The following ASXL2 variants were observed in gnomAD, a reference collection of about 807,000 sequenced individuals.
ASXL2 encodes the protein ASXL transcriptional regulator 2.
ASXL2 carries 23 observed loss-of-function variants against 122.0 expected under a neutral mutation model. The observed-to-expected ratio is 0.19, with a 90% CI of 0.14 to 0.27. The LOEUF (loss-of-function observed/expected upper bound fraction) is 0.27. Ranked by LOEUF, ASXL2 falls within the 10% of genes least tolerant of loss-of-function variation. ASXL2 has a pLI of 1.00. For missense variants in ASXL2, 1,518 were observed against 1,713.8 expected (o/e 0.89, Z 2.02); for synonymous variants, 650 against 637.0 (o/e 1.02, Z -0.31).
chr2:25,763,261 C>T (rs1195681523), intron 8 of ASXL2, among the ~76,000 whole-genome samples: 1 of 151,954 alleles, frequency 6.6e-6, no homozygotes. Flanking sequence ...GAGGCTGAGG[C>T]GGGCGGTATC....
Position 25,771,543 on chromosome 2 carries a change from A to AGG in ASXL2, c.404-5_404-4dup. 2 of 1,606,058 alleles carry AGG rather than the reference A, an allele frequency of 1.2e-6. No individual in the cohort carries two copies. Among genetic ancestry groups the AGG allele is most frequent in the Non-Finnish European group, 1.7e-6 (2 of 1,175,520 alleles). On this transcript the variant is annotated splice_region_variant and splice_polypyrimidine_tract_variant and intron_variant, in intron 5 of 12. Coordinates refer to ENST00000435504, the MANE Select transcript of ASXL2 (RefSeq NM_018263.6). Reference sequence around the variant, plus strand: ...TGACTGCGGGGAGGACGACGATACTAGGGAAAAAAAAGTGACAATAAAAGA... The same window carrying AGG: ...TGACTGCGGGGAGGACGACGATACTAGGGGGAAAAAAAAGTGACAATAAAAGA...
At chr2:25,870,982 T>C (rs2089958242) in intron 1 of ASXL2, among the ~76,000 whole-genome samples, 1 of 152,196 alleles carries the variant, frequency 6.6e-6, no homozygotes, top group African/African-American at 2.4e-5. Flanking sequence ...CTTGTTTTTT[T>C]AAAACATAAT....
rs1458573449 is a variant in ASXL2, at chr2:25,738,112, G to A, written c.*3917C>T. 6.6e-6 allele frequency: 1 copy of A among 151,982 alleles called. No individual in the cohort carries two copies. The highest frequency in any genetic ancestry group is 2.4e-5 in the African/African-American group (1 of 41,382). 9.4% of individuals were successfully genotyped at this position (151,982 alleles called of 1,614,324 possible). A position where few individuals can be genotyped will look rare whatever the true frequency, so the allele number is the denominator to read the frequency against. ...AAATAATTTGTGCCTTAACAGTGAG[G>A]TCCTACATCAAACATACCATATATG... On this transcript the variant is annotated 3_prime_UTR_variant, in exon 13 of 13. Coordinates refer to ENST00000435504, the MANE Select transcript of ASXL2 (RefSeq NM_018263.6).
At chr2:25,807,951 G>T (rs1375904276) in intron 3 of ASXL2, among the ~76,000 whole-genome samples, 1 of 146,606 alleles carries the variant, frequency 6.8e-6, no homozygotes, top group Non-Finnish European at 1.5e-5. Context: ...CCCAGCCCGG[G>T]GGTAAATCCT....
intron 2 of ASXL2, among the ~76,000 whole-genome samples, chr2:25,837,281 T>C (rs2089523196): frequency 1.3e-5 from 2 of 152,208 alleles, no homozygotes; most frequent in South Asian, 4.1e-4. Context: ...TTAATAGGCA[T>C]GGTTTCAAAG....
chr2:25,787,150 G>A (rs1308274387), intron 5 of ASXL2, among the ~76,000 whole-genome samples: 1 of 152,202 alleles, frequency 6.6e-6, no homozygotes, highest in African/African-American at 2.4e-5. Flanking sequence ...CCCGAGTGCT[G>A]TTGTGTATAC....
At chr2:25,787,957 A>C (rs2088775120) in intron 5 of ASXL2, among the ~76,000 whole-genome samples, 1 of 152,200 alleles carries the variant, frequency 6.6e-6, no homozygotes, top group African/African-American at 2.4e-5. Flanking sequence ...GAATTAAACT[A>C]TTAGATATCA....
chr2:25,788,357 C>T (rs1339509240), intron 5 of ASXL2, among the ~76,000 whole-genome samples: 1 of 152,176 alleles, frequency 6.6e-6, no homozygotes, highest in African/African-American at 2.4e-5. Context: ...CACCAGTACC[C>T]AAATTCATTT....
rs1425321095 is a variant in ASXL2 at position 25,735,653 on chromosome 2, T to C, written c.*6376A>G. The C allele has an allele frequency of 6.6e-6, 1 of 152,210 alleles. No individual in the cohort carries two copies. Among genetic ancestry groups the C allele is most frequent in the African/African-American group, 2.4e-5 (1 of 41,456 alleles). 9.4% of individuals were successfully genotyped at this position (152,210 alleles called of 1,614,324 possible). A position where few individuals can be genotyped will look rare whatever the true frequency, so the allele number is the denominator to read the frequency against. On this transcript the variant is annotated 3_prime_UTR_variant, in exon 13 of 13. Transcript: ENST00000435504. ...ACCCAACTGTGTTTGAAAGGGTTAG[T>C]TTAACAAAACACTAACTTACTGACC...
At chr2:25,777,205 C>T (rs1193562103) in intron 5 of ASXL2, among the ~76,000 whole-genome samples, 2 of 152,130 alleles carry the variant, frequency 1.3e-5, no homozygotes, top group Admixed American at 6.5e-5. Flanking sequence ...CTCCTACCTT[C>T]GCCTCCTGAG....
chr2:25,765,928 T>C (rs1440877278), intron 8 of ASXL2, among the ~76,000 whole-genome samples: 1 of 152,226 alleles, frequency 6.6e-6, no homozygotes, highest in East Asian at 1.9e-4. Context: ...TCGGTTTAAA[T>C]ATGTGATATA....
rs1406863534 is a variant in ASXL2 at position 25,744,621 on chromosome 2, A to G, written c.1861-145T>C. The G allele has an allele frequency of 2.2e-6, 2 of 917,380 alleles. No homozygotes were observed. The highest frequency in any genetic ancestry group is 3.2e-6 in the Non-Finnish European group (2 of 633,748). 56.8% of individuals were successfully genotyped at this position (917,380 alleles called of 1,614,324 possible). A position where few individuals can be genotyped will look rare whatever the true frequency, so the allele number is the denominator to read the frequency against. ...TGGGTGGTCTATGGCCGAGAGGCCA[A>G]ACCTTGGAGACAGCAATACTAGTTT... On this transcript the variant is annotated intron_variant, in intron 12 of 12. Transcript: ENST00000435504. This position sits in a 1 kb window ranked among gnomAD's most constrained non-coding sequence, Gnocchi z 4.7.
intron 2 of ASXL2, among the ~76,000 whole-genome samples, chr2:25,842,916 G>A (rs2089604031): frequency 6.6e-6 from 1 of 151,354 alleles, no homozygotes; most frequent in Non-Finnish European, 1.5e-5. Context: ...CCACCTCCCA[G>A]GTTCCAGCTA....
intron 3 of ASXL2, among the ~76,000 whole-genome samples, chr2:25,813,307 A>G (rs567699385): frequency 6.6e-6 from 1 of 152,354 alleles, no homozygotes. Flanking sequence ...TAAAACACTT[A>G]GGCCAAATGT....
intron 1 of ASXL2, among the ~76,000 whole-genome samples, chr2:25,846,385 C>G (rs2089649111): frequency 6.6e-6 from 1 of 152,162 alleles, no homozygotes; most frequent in Admixed American, 6.6e-5. Flanking sequence ...GTGGTTCATG[C>G]CTGTAATCTC....
At chr2:25,753,135 T>C (rs2088075141) in intron 11 of ASXL2, among the ~76,000 whole-genome samples, 1 of 151,656 alleles carries the variant, frequency 6.6e-6, no homozygotes, top group Non-Finnish European at 1.5e-5. Context: ...GCCCAACTAA[T>C]TTTGTATTTT....
intron 2 of ASXL2, among the ~76,000 whole-genome samples, chr2:25,840,304 A>G (rs1433186446): frequency 6.6e-6 from 1 of 152,236 alleles, no homozygotes; most frequent in Non-Finnish European, 1.5e-5. Context: ...TAAAGGGGCT[A>G]GTACCTGAAT....
intron 1 of ASXL2, among the ~76,000 whole-genome samples, chr2:25,872,475 T>C (rs564894502): frequency 2.6e-5 from 4 of 151,618 alleles, no homozygotes; most frequent in East Asian, 1.9e-4. Flanking sequence ...AAGAGTAAAA[T>C]TGTAAAGGTA....
At chr2:25,774,502 G>C (rs1321994079) in intron 5 of ASXL2, among the ~76,000 whole-genome samples, 1 of 151,982 alleles carries the variant, frequency 6.6e-6, no homozygotes, top group Non-Finnish European at 1.5e-5. Flanking sequence ...TTTTGTACAT[G>C]TCTTTTTACA....
Sources: gnomAD v4.1 joint callset for allele counts (sites outside exome capture counted in the v4.1 genomes callset) on GRCh38, gnomAD v4.1.1 for gene constraint, Gnocchi (gnomAD v3.1) non-coding constraint, MANE v1.5 for transcripts, NCBI Gene and HGNC (gene_info 2026-07-23, HGNC 2026-07-21) for gene names.